Variants in MYO1E observed in about 807,000 individuals in gnomAD.
MYO1E encodes the protein myosin IE.
MYO1E carries 68 observed loss-of-function variants against 151.1 expected under a neutral mutation model. The ratio of observed to expected loss-of-function variants is 0.45; its 90% CI spans 0.37 to 0.55. The LOEUF (loss-of-function observed/expected upper bound fraction) is 0.55. MYO1E is among the 20% of genes least tolerant of loss of function. The pLI is 0.00. For missense variants in MYO1E, 1,363 were observed against 1,389.3 expected, an observed-to-expected ratio of 0.98 and a Z score of 0.30; for synonymous variants, 601 against 501.7, an observed-to-expected ratio of 1.20 and a Z score of -2.64.
chr15:59,244,174 A>G lies in MYO1E; in HGVS notation c.333-7502T>C, dbSNP rs150850190. Among the ~76,000 whole-genome samples the G allele has an allele frequency of 1.3e-4, 20 of 152,324 alleles. No individual in the cohort carries two copies. In the East Asian group the frequency reaches 3.9e-3, roughly 29 times the overall value. On this transcript the variant is annotated intron_variant, in intron 4 of 27. Coordinates refer to ENST00000288235, the MANE Select transcript of MYO1E (RefSeq NM_004998.4). ...TATTTCTTCCCAACCCCAGACAAAT[A>G]TCTAGTTAATTGGTGTTGTCAAGCA...
At chr15:59,269,482 C>T (rs560370891) in intron 2 of MYO1E, among the ~76,000 whole-genome samples, 8 of 152,130 alleles carry the variant, frequency 5.3e-5, no homozygotes, top group Non-Finnish European at 7.4e-5. Flanking sequence ...GTGTTAAGTC[C>T]GGATAAAGTA....
rs142006921 is a variant in MYO1E at position 59,182,585 on chromosome 15, A to G, written c.1905-4048T>C. Among the ~76,000 whole-genome samples, 389 of 152,292 alleles carry G rather than the reference A, an allele frequency of 2.6e-3. 2 individuals are homozygous for G. The highest frequency in any genetic ancestry group is 4.0e-3 in the Non-Finnish European group (270 of 68,012). ...ACTTTTTGACAATAGAGACAAGGCT[A>G]TTTGTCTGTTCTGAAAGGAAAAGCT... On this transcript the variant is annotated intron_variant, in intron 18 of 27. Transcript: ENST00000288235.
At position 59,183,054 on chromosome 15, in the gene MYO1E, G is replaced by A. The variant is rs539879572; in HGVS notation, c.1905-4517C>T. Among the ~76,000 whole-genome samples the A allele has an allele frequency of 1.2e-4, 18 of 152,286 alleles. No individual in the cohort carries two copies. The South Asian group carries it at 3.5e-3, about 30-fold the overall frequency. ...ATCTGACAGGAGGTGGGGCTCAGGC[G>A]GTAATGCTCGCTGGCCTGCTGCTCA... On this transcript the variant is annotated intron_variant, in intron 18 of 27. Transcript: ENST00000288235.
intron 6 of MYO1E, among the ~76,000 whole-genome samples, chr15:59,231,359 T>C (rs1379326751): frequency 6.6e-6 from 1 of 152,212 alleles, no homozygotes; most frequent in African/African-American, 2.4e-5. Flanking sequence ...GGGATACCCC[T>C]CTACTCTAGT....
chr15:59,340,794 C>A (rs568222540), intron 1 of MYO1E, among the ~76,000 whole-genome samples: 1 of 151,778 alleles, frequency 6.6e-6, no homozygotes, highest in African/African-American at 2.4e-5. Flanking sequence ...GAGGCTGAGG[C>A]GGGAGGATCA....
chr15:59,351,725 G>C (rs2080824319), intron 1 of MYO1E, among the ~76,000 whole-genome samples: 1 of 132,684 alleles, frequency 7.5e-6, no homozygotes, highest in South Asian at 2.6e-4. Flanking sequence ...GTCCTGTGAA[G>C]ATATACTCAC....
intron 1 of MYO1E, among the ~76,000 whole-genome samples, chr15:59,368,756 A>G (rs1398607496): frequency 1.3e-5 from 2 of 152,034 alleles, no homozygotes; most frequent in African/African-American, 4.8e-5. Context: ...AAAAAAAAAA[A>G]GTTTGCAACC....
intron 1 of MYO1E, among the ~76,000 whole-genome samples, chr15:59,345,743 T>G (rs1045141271): frequency 9.2e-5 from 14 of 152,214 alleles, no homozygotes; most frequent in African/African-American, 3.4e-4. Context: ...AGCCTGTGGA[T>G]GCTAAGGATG....
chr15:59,227,434 G>GT, intron 7 of MYO1E, 25 bp downstream of exon 7: 1 of 1,613,780 alleles, frequency 6.2e-7, no homozygotes, highest in South Asian at 1.1e-5. Flanking sequence ...CAGGAAGTGG[G>GT]TAGGAAAAAA....
At chr15:59,288,924 T>C (rs773186674) in intron 1 of MYO1E, among the ~76,000 whole-genome samples, 47 of 152,224 alleles carry the variant, frequency 3.1e-4, no homozygotes, top group East Asian at 3.9e-4. Flanking sequence ...TGATGCCTTG[T>C]AGGCAAAAAA....
intron 23 of MYO1E, among the ~76,000 whole-genome samples, chr15:59,161,989 G>C (rs1217044335): frequency 6.6e-6 from 1 of 152,252 alleles, no homozygotes; most frequent in African/African-American, 2.4e-5. Flanking sequence ...AAAAGATGGA[G>C]GATATTCCCA....
At chr15:59,208,627 T>C in intron 14 of MYO1E, 54 bp downstream of exon 14, 1 of 1,603,672 alleles carries the variant, frequency 6.2e-7, no homozygotes, top group Non-Finnish European at 8.5e-7. Context: ...AGAAACCAGA[T>C]CACAAACCCA....
intron 19 of MYO1E, among the ~76,000 whole-genome samples, chr15:59,176,067 G>GTTT (rs1364837540): frequency 2.4e-4 from 37 of 152,134 alleles, no homozygotes; most frequent in African/African-American, 8.7e-4. Context: ...TGTTGTTGTT[G>GTTT]TTGTTTTCCG....
At chr15:59,163,328 C>A in intron 22 of MYO1E, 25 bp from the exon 23 acceptor site, 1 of 1,608,570 alleles carries the variant, frequency 6.2e-7, no homozygotes, top group Non-Finnish European at 8.5e-7. Context: ...GACAAACACA[C>A]TTGGTGAAAG....
intron 21 of MYO1E, among the ~76,000 whole-genome samples, chr15:59,172,545 G>A (rs1377381893): frequency 1.3e-5 from 2 of 152,160 alleles, no homozygotes; most frequent in African/African-American, 4.8e-5. Flanking sequence ...AGGATGACAT[G>A]TAAAAAATGA....
At chr15:59,179,601 G>C (rs2140320591) in intron 18 of MYO1E, among the ~76,000 whole-genome samples, 1 of 152,340 alleles carries the variant, frequency 6.6e-6, no homozygotes, top group Admixed American at 6.5e-5. Context: ...CCATTTTGCA[G>C]AGTAGGAGAC....
At chr15:59,199,452 A>G (rs1482962144) in intron 16 of MYO1E, among the ~76,000 whole-genome samples, 1 of 152,108 alleles carries the variant, frequency 6.6e-6, no homozygotes, top group Non-Finnish European at 1.5e-5. Flanking sequence ...AAAATTTGAA[A>G]CTTTTTGAGC....
chr15:59,349,885 C>T (rs1241573362), intron 1 of MYO1E, among the ~76,000 whole-genome samples: 1 of 152,154 alleles, frequency 6.6e-6, no homozygotes, highest in Non-Finnish European at 1.5e-5. Context: ...GATATCATTT[C>T]CCTAAAATTT....
intron 15 of MYO1E, among the ~76,000 whole-genome samples, chr15:59,202,997 C>T (rs925775969): frequency 1.3e-5 from 2 of 152,236 alleles, no homozygotes; most frequent in African/African-American, 4.8e-5. Flanking sequence ...GCTCCTGCCT[C>T]AGCCTCCTGA....
Sources: gnomAD v4.1 joint callset for allele counts (sites outside exome capture counted in the v4.1 genomes callset) on GRCh38, gnomAD v4.1.1 for gene constraint, MANE v1.5 for transcripts, NCBI Gene and HGNC (gene_info 2026-07-23, HGNC 2026-07-21) for gene names.